Variants in DOP1A observed in about 807,000 individuals in gnomAD.
DOP1A encodes the protein DOP1 leucine zipper like protein A, also known as protein DOP1A.
A neutral mutation model predicts 267.6 loss-of-function variants in DOP1A; 90 were observed. The observed-to-expected ratio is 0.34, with a 90% CI of 0.28 to 0.40. The LOEUF (loss-of-function observed/expected upper bound fraction) is 0.40, where lower values mean the gene tolerates loss of function less well. DOP1A is among the 10% of genes least tolerant of loss of function. DOP1A has a pLI of 1.00. For synonymous variants in DOP1A, 932 were observed against 999.1 expected (o/e 0.93, Z 1.27); for missense variants, 2,437 against 2,900.4 (o/e 0.84, Z 3.67).
intron 20 of DOP1A, among the ~76,000 whole-genome samples, chr6:83,136,949 AT>A (rs1204637623): frequency 6.6e-6 from 1 of 152,114 alleles, no homozygotes; most frequent in East Asian, 1.9e-4. Flanking sequence ...TTTGCTGCTA[AT>A]TTTAAAGTCT....
chr6:83,140,923 A>G (rs139877432), intron 23 of DOP1A, among the ~76,000 whole-genome samples: 290 of 152,276 alleles, frequency 1.9e-3, no homozygotes, highest in African/African-American at 6.8e-3. Flanking sequence ...GCCCTCCTAG[A>G]AAACAATTTA....
chr6:83,168,027 G>A lies in DOP1A; in HGVS notation c.7258G>A (p.Gly2420Arg), dbSNP rs868360043. ...KVTSRCGGHS[G>R]SPILYSNAFP... is the part of the protein sequence containing the mutation. The stretch of plus-strand genomic sequence containing the variant: ...CACAAGCCGATGTGGAGGACACTCA[G>A]GGAGTCCTATCCTCTACTCAAATGC... Residue 2420 changes from glycine to arginine, a missense_variant, in exon 39 of 39, where the codon GGG becomes AGG. Gly to Arg is a moderately radical substitution (Grantham distance 125, BLOSUM62 -2). Coordinates refer to ENST00000349129, the MANE Select transcript of DOP1A (RefSeq NM_015018.4). 7 of 1,614,138 alleles carry A rather than the reference G, an allele frequency of 4.3e-6. No individual in the cohort carries two copies. The highest frequency in any genetic ancestry group is 5.9e-6 in the Non-Finnish European group (7 of 1,180,018).
At chr6:83,074,659 A>G (rs1373517297) in intron 1 of DOP1A, among the ~76,000 whole-genome samples, 2 of 152,200 alleles carry the variant, frequency 1.3e-5, no homozygotes, top group African/African-American at 4.8e-5. Context: ...GCCTAACTAT[A>G]GGCTAATATA....
intron 7 of DOP1A, 61 bp from the exon 8 acceptor site, chr6:83,118,827 G>A (rs1775884402): frequency 2.1e-6 from 3 of 1,433,740 alleles, no homozygotes; most frequent in Non-Finnish European, 2.9e-6. Context: ...ATTTTTTAAA[G>A]AGGAAAAAAA....
intron 4 of DOP1A, among the ~76,000 whole-genome samples, chr6:83,104,517 T>C (rs1398874628): frequency 6.6e-6 from 1 of 152,158 alleles, no homozygotes; most frequent in Non-Finnish European, 1.5e-5. Context: ...TTCTAGTATA[T>C]GTTAACTTTC....
At chr6:83,140,543 G>T in intron 23 of DOP1A, 140 bp downstream of exon 23, 1 of 715,358 alleles carries the variant, frequency 1.4e-6, no homozygotes, top group South Asian at 2.5e-5. Flanking sequence ...GTTTTCCTGG[G>T]CTATGGCTGA....
chr6:83,153,765 T>C, intron 31 of DOP1A, 129 bp from the exon 32 acceptor site: 2 of 1,198,718 alleles, frequency 1.7e-6, no homozygotes, highest in Non-Finnish European at 2.3e-6. Flanking sequence ...CATATATTAT[T>C]TTTCTTATGG....
At chr6:83,169,644 C>G (rs1213414784), downstream of DOP1A, 6 of 471,962 alleles carry the variant, frequency 1.3e-5, no homozygotes, top group African/African-American at 1.2e-4. Context: ...GTACTAATGC[C>G]TCTGTTGCCA....
rs1459198188 is a variant in DOP1A, at chr6:83,129,234, C to T, written c.2067C>T (p.Ile689=). 1.9e-6 allele frequency: 3 copies of T among 1,613,478 alleles called. No individual in the cohort carries two copies. In the African/African-American group the frequency reaches 4.0e-5, roughly 22 times the overall value. ...TCCAACAGTTTCTTACCAGACTTAT[C>T]AACCTCTACATCATTCAGAATAACT... The part of the protein sequence containing the change: ...EYVQQFLTRL[I]NLYIIQNNSF... The change falls in exon 16 of 39, where the codon ATC becomes ATT. Residue 689 remains isoleucine, a synonymous_variant. Transcript: ENST00000349129.
intron 1 of DOP1A, among the ~76,000 whole-genome samples, chr6:83,077,351 G>T (rs555451580): frequency 6.6e-6 from 1 of 151,874 alleles, no homozygotes; most frequent in East Asian, 1.9e-4. Flanking sequence ...GATGGTAAAT[G>T]TTATATGCTT....
chr6:83,132,367 AC>A, intron 18 of DOP1A, 39 bp downstream of exon 18: 1 of 995,882 alleles, frequency 1.0e-6, no homozygotes, highest in Non-Finnish European at 1.4e-6. Flanking sequence ...CCCCTCCGCC[AC>A]ACACACACAC....
Position 83,130,196 on chromosome 6 carries a change from T to G in DOP1A, c.2415T>G (p.Ser805Arg), listed in dbSNP as rs757218759. The change falls in exon 17 of 39, where the codon AGT becomes AGG. Residue 805 changes from serine to arginine, a missense_variant. Around this residue, in one of 9 missense-constraint regions of DOP1A, gnomAD observed 878 missense variants for 992.9 expected, o/e 0.88. Coordinates refer to ENST00000349129, the MANE Select transcript of DOP1A (RefSeq NM_015018.4). The stretch of plus-strand genomic sequence containing the variant: ...CTTGCAGCCAAGCAAGTGATTTCAG[T>G]GTTCAGAGTGTTGCTATTTCACTAG... ...MNACSQASDF[S>R]VQSVAISLVM... The G allele has an allele frequency of 1.1e-5, 18 of 1,614,000 alleles. No homozygotes were observed. Among genetic ancestry groups the G allele is most frequent in the Non-Finnish European group, 1.4e-5 (17 of 1,180,002 alleles).
intron 38 of DOP1A, 45 bp from the exon 39 acceptor site, chr6:83,167,817 C>T (rs1437781680): frequency 6.5e-7 from 1 of 1,543,678 alleles, no homozygotes; most frequent in Non-Finnish European, 8.7e-7. Flanking sequence ...TAACATACCA[C>T]ATTGTCTGTT....
chr6:83,154,608 A>ATTT (rs1470133881), intron 33 of DOP1A, among the ~76,000 whole-genome samples: 1 of 152,192 alleles, frequency 6.6e-6, no homozygotes, highest in Non-Finnish European at 1.5e-5. Context: ...AGACTGACAG[A>ATTT]TGGTGAAGTG....
intron 7 of DOP1A, among the ~76,000 whole-genome samples, chr6:83,115,242 G>C (rs897030218): frequency 1.3e-5 from 2 of 152,052 alleles, no homozygotes; most frequent in African/African-American, 4.8e-5. Context: ...TAATCAAGAA[G>C]CAACTTCTTT....
intron 7 of DOP1A, among the ~76,000 whole-genome samples, chr6:83,116,271 A>G (rs953264912): frequency 6.6e-6 from 1 of 152,158 alleles, no homozygotes; most frequent in Non-Finnish European, 1.5e-5. Flanking sequence ...ACTAAAATCC[A>G]CTGGTCTATC....
intron 24 of DOP1A, among the ~76,000 whole-genome samples, chr6:83,144,202 A>T (rs1780100818): frequency 6.6e-6 from 1 of 152,218 alleles, no homozygotes; most frequent in African/African-American, 2.4e-5. Flanking sequence ...AATGAAGAAG[A>T]CAGGGGATCC....
At chr6:83,166,531 T>C (rs998583079) in intron 38 of DOP1A, 2 of 658,990 alleles carry the variant, frequency 3.0e-6, no homozygotes, top group Admixed American at 2.3e-5. Flanking sequence ...TAGTCTAAAA[T>C]AAATATAAAC....
chr6:83,139,098 C>A lies in DOP1A; in HGVS notation c.5056C>A (p.Leu1686Met). The change falls in exon 21 of 39, where the codon CTG becomes ATG. Residue 1686 changes from leucine to methionine, a missense_variant. Physicochemically the swap from Leu to Met is conservative, Grantham distance 15 (BLOSUM62 2). Around this residue, in one of 9 missense-constraint regions of DOP1A, gnomAD observed 307 missense variants for 308.6 expected, o/e 0.99. Transcript: ENST00000349129. ...QRVVVSVTLQ[L>M]CRNLDNLIQQ... is the part of the protein sequence containing the mutation. ...AGTGGTTGTTTCTGTGACACTACAA[C>A]TGTGCAGAAATTTAGATAATCTAAT... 6.2e-7 allele frequency: 1 copy of A among 1,613,922 alleles called. No homozygotes were observed.
Sources: gnomAD v4.1 joint callset for allele counts (sites outside exome capture counted in the v4.1 genomes callset) on GRCh38, gnomAD v4.1.1 for gene constraint, gnomAD v4.1.1 regional missense constraint, MANE v1.5 for transcripts, NCBI Gene and HGNC (gene_info 2026-07-23, HGNC 2026-07-21) for gene names.